FMN2: variants seen among roughly 807,000 people sequenced by gnomAD.
FMN2 encodes formin-2.
A neutral mutation model predicts 142.3 loss-of-function variants in FMN2; 51 were observed. The observed-to-expected ratio is 0.36, with a 90% CI of 0.29 to 0.45. FMN2 has a LOEUF of 0.45. FMN2 is among the 20% of genes least tolerant of loss of function. FMN2 has a pLI of 1.00. For synonymous variants in FMN2, 882 were observed against 869.8 expected (o/e 1.01, Z -0.25); for missense variants, 1,936 against 2,122.8 (o/e 0.91, Z 1.73).
At chr1:240,135,134 T>C (rs145328692) in intron 2 of FMN2, among the ~76,000 whole-genome samples, 121 of 152,342 alleles carry the variant, frequency 7.9e-4, no homozygotes, top group Admixed American at 1.8e-3. Flanking sequence ...ATCGTTTTGC[T>C]TTCCCTAGCA....
chr1:240,427,504 C>T (rs1381796394), intron 15 of FMN2, among the ~76,000 whole-genome samples: 1 of 152,162 alleles, frequency 6.6e-6, no homozygotes, highest in African/African-American at 2.4e-5. Context: ...CGCACCTGGC[C>T]ACAACTGATT....
intron 2 of FMN2, among the ~76,000 whole-genome samples, chr1:240,129,189 T>C (rs1189961163): frequency 2.0e-5 from 3 of 152,090 alleles, no homozygotes; most frequent in Non-Finnish European, 4.4e-5. Flanking sequence ...TTCATTTTTT[T>C]TTCCAGAGCA....
chr1:240,421,903 C>G (rs1465145131), intron 15 of FMN2, among the ~76,000 whole-genome samples: 3 of 152,106 alleles, frequency 2.0e-5, no homozygotes, highest in African/African-American at 4.8e-5. Context: ...AGGACAGGCT[C>G]TCATACCTGT....
At chr1:240,365,000 A>G (rs1672614578) in intron 14 of FMN2, among the ~76,000 whole-genome samples, 1 of 152,198 alleles carries the variant, frequency 6.6e-6, no homozygotes, top group South Asian at 2.1e-4. Context: ...TAAATAATGC[A>G]TGTATCTATT....
At chr1:240,227,123 C>T (rs6429193) in intron 6 of FMN2, among the ~76,000 whole-genome samples, 102,071 of 151,970 alleles carry the variant, frequency 0.67, 35,190 homozygotes, top group African/African-American at 0.8. Flanking sequence ...AACTATTAGA[C>T]GTAACAAGGA....
intron 2 of FMN2, chr1:240,143,983 C>G (rs1571978159): frequency 7.4e-7 from 1 of 1,343,252 alleles, no homozygotes; most frequent in East Asian, 2.3e-5. Flanking sequence ...AGTCTGAAAG[C>G]AGTCCCAGAG....
chr1:240,257,765 T>C (rs1668495274), intron 6 of FMN2, among the ~76,000 whole-genome samples, 180 bp from the exon 7 acceptor site: 1 of 152,192 alleles, frequency 6.6e-6, no homozygotes, highest in Admixed American at 6.5e-5. Flanking sequence ...TTTGAAGATT[T>C]ATGATATAAA....
intron 13 of FMN2, among the ~76,000 whole-genome samples, chr1:240,343,136 C>T (rs186399561): frequency 1.3e-5 from 2 of 152,262 alleles, no homozygotes; most frequent in African/African-American, 4.8e-5. Context: ...AGACGGGGCT[C>T]ATTGCAGTGG....
chr1:240,284,705 T>A (rs1054221119), intron 7 of FMN2, among the ~76,000 whole-genome samples: 3 of 152,196 alleles, frequency 2.0e-5, no homozygotes, highest in Admixed American at 6.5e-5. Flanking sequence ...GTAATCTGTC[T>A]TCTAGCTTCA....
intron 2 of FMN2, among the ~76,000 whole-genome samples, chr1:240,176,052 A>AAC (rs1243241772): frequency 7.9e-5 from 12 of 152,032 alleles, no homozygotes; most frequent in African/African-American, 2.9e-4. Context: ...TTAAATTATG[A>AAC]TATAGTTCAG....
intron 15 of FMN2, among the ~76,000 whole-genome samples, chr1:240,407,261 C>T (rs1453477847): frequency 2.0e-5 from 3 of 152,014 alleles, no homozygotes; most frequent in African/African-American, 7.2e-5. Flanking sequence ...CCTCAGCCTC[C>T]AGAGTAGCTG....
chr1:240,439,372 G>T (rs762026896), intron 16 of FMN2, among the ~76,000 whole-genome samples: 8 of 151,938 alleles, frequency 5.3e-5, no homozygotes, highest in Non-Finnish European at 1.2e-4. Context: ...ATTTTGGTCT[G>T]CTTACACATG....
chr1:240,331,077 C>T lies in FMN2; in HGVS notation c.4584+328C>T, dbSNP rs1448376092. Reference sequence around the variant, plus strand: ...TTTCCCATGTCTGCTAATATTTATCCTTTTGGAATCTGAAGGCTAATTATT... The same window carrying T: ...TTTCCCATGTCTGCTAATATTTATCTTTTTGGAATCTGAAGGCTAATTATT... On this transcript the variant is annotated intron_variant, in intron 11 of 17. Coordinates refer to ENST00000319653, the MANE Select transcript of FMN2 (RefSeq NM_020066.5). 5.9e-5 allele frequency among the ~76,000 whole-genome samples: 9 copies of T among 151,620 alleles called. No homozygotes were observed. The East Asian group carries it at 1.5e-3, about 26-fold the overall frequency.
At chr1:240,407,954 C>T (rs1572276273) in intron 15 of FMN2, among the ~76,000 whole-genome samples, 2 of 152,142 alleles carry the variant, frequency 1.3e-5, no homozygotes, top group East Asian at 3.9e-4. Context: ...ACATGAAACC[C>T]TAGATGAGCA....
intron 15 of FMN2, among the ~76,000 whole-genome samples, chr1:240,420,759 C>A (rs777364246): frequency 6.6e-6 from 1 of 152,184 alleles, no homozygotes; most frequent in Non-Finnish European, 1.5e-5. Flanking sequence ...ACTGCCCATG[C>A]CCCACATTCC....
chr1:240,265,105 G>A lies in FMN2; in HGVS notation c.4153+7073G>A, dbSNP rs74484365. 1.2e-3 allele frequency among the ~76,000 whole-genome samples: 190 copies of A among 152,230 alleles called. 5 individuals carry two copies. The East Asian group carries it at 0.028, about 23-fold the overall frequency. ...GTGTTACCTAATAAAATCAGAATGC[G>A]CAACATATGCAAAAATAAAACTGGC... On this transcript the variant is annotated intron_variant, in intron 7 of 17. Transcript: ENST00000319653.
intron 4 of FMN2, among the ~76,000 whole-genome samples, chr1:240,205,321 C>T (rs757282189): frequency 6.6e-6 from 1 of 152,172 alleles, no homozygotes; most frequent in African/African-American, 2.4e-5. Context: ...ACGATTGACA[C>T]TGCAGTTTCC....
At chr1:240,271,265 G>T in intron 7 of FMN2, among the ~76,000 whole-genome samples, 1 of 151,348 alleles carries the variant, frequency 6.6e-6, no homozygotes, top group Non-Finnish European at 1.5e-5. Context: ...ATAGAGTCTG[G>T]CTTCATTCTT....
intron 14 of FMN2, among the ~76,000 whole-genome samples, chr1:240,384,893 T>C (rs1228677503): frequency 6.6e-6 from 1 of 152,210 alleles, no homozygotes; most frequent in Non-Finnish European, 1.5e-5. Context: ...ATCAACATCA[T>C]TCCATATTAA....
Sources: gnomAD v4.1 joint callset for allele counts (sites outside exome capture counted in the v4.1 genomes callset) on GRCh38, gnomAD v4.1.1 for gene constraint, MANE v1.5 for transcripts, NCBI Gene and HGNC (gene_info 2026-07-23, HGNC 2026-07-21) for gene names.